Variants in ITGA1 observed in about 807,000 individuals in gnomAD.
The protein encoded by ITGA1 is integrin subunit alpha 1.
A neutral mutation model predicts 145.9 loss-of-function variants in ITGA1; 85 were observed. That is an observed-to-expected ratio of 0.58 (90% CI 0.49 to 0.70). ITGA1 has a LOEUF of 0.70. ITGA1 is among the 30% of genes least tolerant of loss of function. ITGA1 has a pLI of 0.00. For missense variants in ITGA1, 1,351 were observed against 1,418.7 expected (o/e 0.95, Z 0.77); for synonymous variants, 520 against 495.3 (o/e 1.05, Z -0.66).
intron 1 of ITGA1, among the ~76,000 whole-genome samples, chr5:52,830,356 A>G (rs917913211): frequency 6.6e-6 from 1 of 152,178 alleles, no homozygotes; most frequent in Non-Finnish European, 1.5e-5. Context: ...TGTTCCCACT[A>G]CAAAACTTAT....
At chr5:52,835,800 A>C (rs1359640457) in intron 1 of ITGA1, among the ~76,000 whole-genome samples, 2 of 152,152 alleles carry the variant, frequency 1.3e-5, no homozygotes, top group African/African-American at 4.8e-5. Flanking sequence ...ATCACAACTT[A>C]AAAGCAAGGA....
At chr5:52,880,054 A>G (rs985010274) in intron 6 of ITGA1, among the ~76,000 whole-genome samples, 3 of 152,254 alleles carry the variant, frequency 2.0e-5, no homozygotes, top group Admixed American at 1.3e-4. Context: ...AAATTCATTG[A>G]GTAGCCATGA....
chr5:52,948,401 A>G (rs1226200028), intron 28 of ITGA1, among the ~76,000 whole-genome samples: 1 of 152,218 alleles, frequency 6.6e-6, no homozygotes, highest in Non-Finnish European at 1.5e-5. Context: ...ATTTAATCAA[A>G]TAGTTTAAAT....
intron 1 of ITGA1, among the ~76,000 whole-genome samples, chr5:52,842,807 T>C (rs1241810267): frequency 6.6e-6 from 1 of 151,738 alleles, no homozygotes; most frequent in African/African-American, 2.4e-5. Flanking sequence ...TGCCTCAGCC[T>C]CCTGAGTAGC....
chr5:52,850,194 G>GT (rs1170635497), intron 2 of ITGA1, among the ~76,000 whole-genome samples: 1 of 151,904 alleles, frequency 6.6e-6, no homozygotes, highest in East Asian at 1.9e-4. Flanking sequence ...TAGAGACACG[G>GT]TTTCACCATG....
chr5:52,944,759 C>T (rs1239576237), intron 26 of ITGA1, among the ~76,000 whole-genome samples, 184 bp from the exon 27 acceptor site: 9 of 152,142 alleles, frequency 5.9e-5, no homozygotes, highest in Non-Finnish European at 1.3e-4. Context: ...TTTTCAGTGG[C>T]AAATGAGGGA....
At chr5:52,806,425 A>C (rs567837484) in intron 1 of ITGA1, among the ~76,000 whole-genome samples, 39 of 152,166 alleles carry the variant, frequency 2.6e-4, no homozygotes, top group African/African-American at 8.2e-4. Flanking sequence ...TCAAGTAGTA[A>C]ACTTCACGTA....
intron 1 of ITGA1, among the ~76,000 whole-genome samples, chr5:52,794,477 A>G (rs1370159141): frequency 1.4e-5 from 2 of 147,960 alleles, no homozygotes; most frequent in East Asian, 2.0e-4. Context: ...CTTATGCCGT[A>G]TAAGAATACA....
At chr5:52,882,302 C>A (rs1749973437) in intron 7 of ITGA1, among the ~76,000 whole-genome samples, 1 of 152,022 alleles carries the variant, frequency 6.6e-6, no homozygotes, top group Non-Finnish European at 1.5e-5. Flanking sequence ...GGTACTAAGA[C>A]AATATTAGTT....
chr5:52,882,450 G>A (rs1449408076), intron 7 of ITGA1, among the ~76,000 whole-genome samples: 2 of 151,366 alleles, frequency 1.3e-5, no homozygotes, highest in Non-Finnish European at 2.9e-5. Flanking sequence ...TTGATTTACC[G>A]TTATCGAAGC....
chr5:52,945,640 TA>T (rs1751124006), intron 27 of ITGA1, among the ~76,000 whole-genome samples: 1 of 152,030 alleles, frequency 6.6e-6, no homozygotes, highest in African/African-American at 2.4e-5. Flanking sequence ...AAAAATAAAA[TA>T]AAATAAGTAC....
intron 26 of ITGA1, among the ~76,000 whole-genome samples, chr5:52,941,191 T>C (rs1751048653): frequency 6.6e-6 from 1 of 152,244 alleles, no homozygotes; most frequent in Non-Finnish European, 1.5e-5. Flanking sequence ...GATGGGCACC[T>C]ATGTTAATTC....
intron 20 of ITGA1, among the ~76,000 whole-genome samples, chr5:52,927,950 G>A (rs1750836975): frequency 1.3e-5 from 2 of 152,098 alleles, no homozygotes; most frequent in Admixed American, 6.5e-5. Context: ...GTCCTCATAC[G>A]AGAGGCTTGA....
Position 52,939,843 on chromosome 5 carries a change from T to C in ITGA1, c.3184T>C (p.Cys1062Arg), listed in dbSNP as rs768577158. The change falls in exon 26 of 29, where the codon TGC (cysteine) becomes CGC (arginine). Residue 1062 changes from cysteine (C) to arginine (R), a missense_variant. Coordinates refer to ENST00000282588, the MANE Select transcript of ITGA1 (RefSeq NM_181501.2). ...GTATCTCTGGACATTTAAACAGGACTGCAATACATGTAAATTTGCTACCAT... is the reference window on the plus strand; with the variant it reads ...GTATCTCTGGACATTTAAACAGGACCGCAATACATGTAAATTTGCTACCAT... ...DHLKRGTILD[C>R]NTCKFATITC... 1 of 1,594,568 alleles carries C rather than the reference T, an allele frequency of 6.3e-7. No homozygotes were observed. The highest frequency in any genetic ancestry group is 8.6e-7 in the Non-Finnish European group (1 of 1,162,354).
intron 22 of ITGA1, chr5:52,933,106 G>A (rs866474993): frequency 6.6e-6 from 1 of 151,976 alleles, no homozygotes; most frequent in African/African-American, 2.4e-5. Context: ...AACATCCATT[G>A]TCTCAAACAT....
At chr5:52,921,521 G>A (rs1750729812) in intron 17 of ITGA1, among the ~76,000 whole-genome samples, 1 of 151,498 alleles carries the variant, frequency 6.6e-6, no homozygotes, top group South Asian at 2.2e-4. Context: ...CTCCTATTTA[G>A]TTAATCAGAA....
intron 1 of ITGA1, among the ~76,000 whole-genome samples, chr5:52,836,102 C>A (rs1749158203): frequency 6.6e-6 from 1 of 152,162 alleles, no homozygotes; most frequent in Admixed American, 6.6e-5. Context: ...GCTTAATCTT[C>A]ATGAACTAGA....
intron 26 of ITGA1, among the ~76,000 whole-genome samples, chr5:52,940,398 A>G (rs1280677746): frequency 6.9e-6 from 1 of 145,506 alleles, no homozygotes; most frequent in African/African-American, 2.5e-5. Context: ...ATAGGTATAT[A>G]TGAAGCCTTT....
chr5:52,947,318 T>C, intron 27 of ITGA1, 27 bp from the exon 28 acceptor site: 2 of 1,390,844 alleles, frequency 1.4e-6, no homozygotes, highest in Non-Finnish European at 2.0e-6. Flanking sequence ...GTTTATTATG[T>C]TAACAATCTT....
Sources: allele counts gnomAD v4.1 joint callset (sites outside exome capture counted in the v4.1 genomes callset), GRCh38; gene constraint gnomAD v4.1.1; transcripts MANE v1.5; gene names NCBI Gene and HGNC (gene_info 2026-07-23, HGNC 2026-07-21).